PRTFDC1: variants seen among roughly 807,000 people sequenced by gnomAD.
PRTFDC1 encodes phosphoribosyltransferase domain-containing protein 1.
A neutral mutation model predicts 34.6 loss-of-function variants in PRTFDC1; 38 were observed. That is an observed-to-expected ratio of 1.10 (90% CI 0.85 to 1.44). The LOEUF (loss-of-function observed/expected upper bound fraction) is 1.44. PRTFDC1 is among the 40% of genes most tolerant of loss of function. PRTFDC1 has a pLI of 0.00. For missense variants in PRTFDC1, 270 were observed against 283.0 expected, an observed-to-expected ratio of 0.95 and a Z score of 0.33; for synonymous variants, 93 against 98.1, an observed-to-expected ratio of 0.95 and a Z score of 0.31.
intron 3 of PRTFDC1, among the ~76,000 whole-genome samples, chr10:24,925,113 T>C (rs1250215756): frequency 1.3e-5 from 2 of 152,206 alleles, no homozygotes; most frequent in African/African-American, 4.8e-5. Context: ...ATGTGGCACA[T>C]ATACACTATG....
intron 4 of PRTFDC1, among the ~76,000 whole-genome samples, chr10:24,859,728 T>G (rs1847645426): frequency 6.6e-6 from 1 of 152,236 alleles, no homozygotes; most frequent in African/African-American, 2.4e-5. Context: ...ATGATTGTAC[T>G]GCATTTTAAT....
At chr10:24,868,409 C>A (rs1847822318) in intron 4 of PRTFDC1, among the ~76,000 whole-genome samples, 1 of 152,060 alleles carries the variant, frequency 6.6e-6, no homozygotes, top group South Asian at 2.1e-4. Flanking sequence ...GGTGTGTTTC[C>A]TGGGAACAAA....
chr10:24,901,487 G>A (rs1848448781), intron 3 of PRTFDC1, among the ~76,000 whole-genome samples: 1 of 152,124 alleles, frequency 6.6e-6, no homozygotes, highest in African/African-American at 2.4e-5. Flanking sequence ...CACTTTGGGA[G>A]GCCAAAGCGA....
chr10:24,942,308 TGACACAG>T lies in PRTFDC1; in HGVS notation c.155+15_155+21del, dbSNP rs751958638. The T allele has an allele frequency of 6.3e-7, 1 of 1,579,046 alleles. No individual in the cohort carries two copies. Among genetic ancestry groups the T allele is most frequent in the Non-Finnish European group, 8.7e-7 (1 of 1,148,218 alleles). On this transcript the variant is annotated intron_variant, in intron 2 of 8. Transcript: ENST00000320152. ...GGCCGGCCCAGTGCAGGACCAAGATTGACACAGGAAATCACACTCACCTGTCCACAAT... is the reference window on the plus strand; with the variant it reads ...GGCCGGCCCAGTGCAGGACCAAGATTGAAATCACACTCACCTGTCCACAAT...
intron 4 of PRTFDC1, among the ~76,000 whole-genome samples, chr10:24,867,148 C>T (rs936461911): frequency 7.2e-5 from 11 of 151,862 alleles, no homozygotes; most frequent in African/African-American, 2.7e-4. Flanking sequence ...GTTCATAATG[C>T]CTCTAACTCA....
chr10:24,886,546 C>T (rs1293290024), intron 3 of PRTFDC1, among the ~76,000 whole-genome samples: 2 of 152,208 alleles, frequency 1.3e-5, no homozygotes, highest in African/African-American at 4.8e-5. Context: ...TTCCACTGTG[C>T]ATGGATCACT....
intron 6 of PRTFDC1, among the ~76,000 whole-genome samples, chr10:24,855,904 A>G (rs528485742): frequency 3.0e-4 from 46 of 152,220 alleles, no homozygotes; most frequent in African/African-American, 1.0e-3. Context: ...ACTTGAGCTC[A>G]TAAGTTTGAG....
intron 3 of PRTFDC1, among the ~76,000 whole-genome samples, chr10:24,895,725 A>C (rs1295797383): frequency 2.1e-5 from 3 of 139,874 alleles, no homozygotes; most frequent in Admixed American, 7.2e-5. Context: ...ATATATATAT[A>C]TATCTGTAAA....
intron 3 of PRTFDC1, among the ~76,000 whole-genome samples, chr10:24,887,073 C>T (rs1848181346): frequency 1.3e-5 from 2 of 149,096 alleles, no homozygotes; most frequent in South Asian, 4.3e-4. Context: ...CGGGTTCACG[C>T]CATTCTCCTG....
rs1588570808 is a variant in PRTFDC1, at chr10:24,855,187, A to C, written c.553+131T>G. On this transcript the variant is annotated intron_variant, in intron 7 of 8. Transcript: ENST00000320152. ...GAGATCATGAGGAATCCGTGGGACT[A>C]TCAGCCCTACACAGTTTCAAATCCA... is the stretch of plus-strand genomic sequence containing the variant. 5 of 821,084 alleles carry C rather than the reference A, an allele frequency of 6.1e-6. No homozygotes were observed. The East Asian group carries it at 1.3e-4, about 22-fold the overall frequency. The allele number at this position is 821,084 out of a possible 1,614,324, so 50.9% of individuals were successfully genotyped here. A position where few individuals can be genotyped will look rare whatever the true frequency, so the allele number is the denominator to read the frequency against.
At chr10:24,871,144 G>A (rs780975381) in intron 4 of PRTFDC1, among the ~76,000 whole-genome samples, 1 of 149,266 alleles carries the variant, frequency 6.7e-6, no homozygotes, top group African/African-American at 2.5e-5. Context: ...TTTATGAAAT[G>A]TGGCTGCTAT....
chr10:24,919,571 G>T (rs891832957), intron 3 of PRTFDC1, among the ~76,000 whole-genome samples: 2 of 152,100 alleles, frequency 1.3e-5, no homozygotes, highest in African/African-American at 4.8e-5. Flanking sequence ...ACATAGGCAT[G>T]GGCCAAGATT....
chr10:24,941,195 A>G (rs533183085), intron 2 of PRTFDC1, among the ~76,000 whole-genome samples: 1 of 152,128 alleles, frequency 6.6e-6, no homozygotes, highest in South Asian at 2.1e-4. Context: ...CTGGGACTAC[A>G]GGCCTGTGCT....
intron 3 of PRTFDC1, among the ~76,000 whole-genome samples, chr10:24,930,646 T>C (rs1848956784): frequency 6.6e-6 from 1 of 152,146 alleles, no homozygotes; most frequent in African/African-American, 2.4e-5. Flanking sequence ...AGCTCTGGCG[T>C]GGAACTTTGA....
chr10:24,951,993 G>A (rs1242936391), intron 1 of PRTFDC1, among the ~76,000 whole-genome samples: 2 of 152,188 alleles, frequency 1.3e-5, no homozygotes, highest in South Asian at 2.1e-4. Context: ...CTCCTGCAGA[G>A]GCCTCCACTG....
chr10:24,904,607 C>T (rs182584341), intron 3 of PRTFDC1, among the ~76,000 whole-genome samples: 1 of 152,258 alleles, frequency 6.6e-6, no homozygotes, highest in Non-Finnish European at 1.5e-5. Flanking sequence ...TCACCTGGCT[C>T]CCTGACTTAA....
rs573359964 is a variant in PRTFDC1 at position 24,931,856 on chromosome 10, G to T, written c.339+5328C>A. On this transcript the variant is annotated intron_variant, in intron 3 of 8. Coordinates refer to ENST00000320152, the MANE Select transcript of PRTFDC1 (RefSeq NM_020200.7). ...AAAGATGAGGAGAAAATACTTCCCA[G>T]TTTATTTTAAAAGACCAATATAAGC... is the stretch of plus-strand genomic sequence containing the variant. Among the ~76,000 whole-genome samples the T allele has an allele frequency of 4.7e-5, 7 of 149,490 alleles. 1 individual carries two copies. The highest frequency in any genetic ancestry group is 1.7e-4 in the African/African-American group (7 of 40,754).
At chr10:24,894,227 A>T (rs1363883880) in intron 3 of PRTFDC1, among the ~76,000 whole-genome samples, 1 of 151,326 alleles carries the variant, frequency 6.6e-6, no homozygotes, top group African/African-American at 2.4e-5. Flanking sequence ...GCTACTCGGG[A>T]GACTGAGGCA....
At chr10:24,940,363 T>C (rs12250911) in intron 2 of PRTFDC1, among the ~76,000 whole-genome samples, 3 of 152,098 alleles carry the variant, frequency 2.0e-5, no homozygotes, top group Admixed American at 2.0e-4. Flanking sequence ...TATAAAGAAC[T>C]CTTATAGTTC....
Sources: allele counts gnomAD v4.1 joint callset (sites outside exome capture counted in the v4.1 genomes callset), GRCh38; gene constraint gnomAD v4.1.1; transcripts MANE v1.5; gene names NCBI Gene and HGNC (gene_info 2026-07-23, HGNC 2026-07-21).